Variants in PKHD1L1 observed in about 807,000 individuals in gnomAD.
PKHD1L1 encodes fibrocystin-L.
Under a neutral mutation model 462.9 loss-of-function variants are expected in PKHD1L1, and 434 were observed. The ratio of observed to expected loss-of-function variants is 0.94; its 90% confidence interval spans 0.87 to 1.02. The LOEUF (loss-of-function observed/expected upper bound fraction) is 1.02, where lower values mean the gene tolerates loss of function less well. Ranked by LOEUF, PKHD1L1 falls within the 50% of genes least tolerant of loss-of-function variation. The probability of loss-of-function intolerance (pLI) is 0.00; values close to 1 mark genes in which losing one functional copy is unlikely to be tolerated. For synonymous variants in PKHD1L1, 1,781 were observed against 1,750.0 expected, an observed-to-expected ratio of 1.02 and a Z score of -0.44; for missense variants, 5,202 against 5,096.1, an observed-to-expected ratio of 1.02 and a Z score of -0.63.
At position 109,420,578 on chromosome 8, in the gene PKHD1L1, A is replaced by G; in HGVS notation, c.2585A>G (p.Gln862Arg). The G allele has an allele frequency of 6.2e-7, 1 of 1,610,220 alleles. No individual in the cohort carries two copies. Among genetic ancestry groups the G allele is most frequent in the Non-Finnish European group, 8.5e-7 (1 of 1,178,232 alleles). ...ANKGIFLEHFQVNQTKTNGPT... is the reference protein window; with the variant it reads ...ANKGIFLEHFRVNQTKTNGPT... The stretch of plus-strand genomic sequence containing the variant: ...AAAGGAATATTCTTAGAGCACTTTC[A>G]GGTGAATCAGACCAAAACAAATGGG... The change falls in exon 23 of 78, where the codon CAG becomes CGG. Residue 862 changes from glutamine (Q) to arginine (R), a missense_variant. Gln to Arg is a conservative substitution (Grantham distance 43). This residue lies in a region of PKHD1L1 where 4,497 missense variants were observed against 4,336.8 expected (regional missense o/e 1.04). Coordinates refer to ENST00000378402, the MANE Select transcript of PKHD1L1 (RefSeq NM_177531.6).
rs1311147978 is a variant in PKHD1L1 at position 109,498,143 on chromosome 8, G to A, written c.10600-319G>A. On this transcript the variant is annotated intron_variant, in intron 65 of 77. Transcript: ENST00000378402. ...GGAGTCTCGCTCTGTCGCCCAGGCCGGACTGCGGACTGCAGTGGCGCAATC... is the reference window on the plus strand; with the variant it reads ...GGAGTCTCGCTCTGTCGCCCAGGCCAGACTGCGGACTGCAGTGGCGCAATC... 7.4e-5 allele frequency among the ~76,000 whole-genome samples: 3 copies of A among 40,282 alleles called. 1 individual carries two copies. In the East Asian group the frequency reaches 1.8e-3, roughly 25 times the overall value. 26.4% of individuals were successfully genotyped at this position (40,282 alleles called of 152,430 possible).
intron 21 of PKHD1L1, among the ~76,000 whole-genome samples, chr8:109,414,488 T>C (rs1814026081): frequency 7.0e-6 from 1 of 142,202 alleles, no homozygotes; most frequent in Admixed American, 7.1e-5. Context: ...AAAATATTCC[T>C]TTTTTTTTTG....
chr8:109,492,151 A>G (rs1331595155), intron 62 of PKHD1L1, among the ~76,000 whole-genome samples, 157 bp downstream of exon 62: 1 of 149,700 alleles, frequency 6.7e-6, no homozygotes, highest in Non-Finnish European at 1.5e-5. Flanking sequence ...GTCAATGTCT[A>G]TTGGTTTAAA....
At position 109,526,756 on chromosome 8, in the gene PKHD1L1, C is replaced by CA. The variant is rs759818127; in HGVS notation, c.12485-25dup. 2.6e-6 allele frequency: 4 copies of CA among 1,516,604 alleles called. No individual in the cohort carries two copies. The South Asian group carries it at 4.9e-5, about 19-fold the overall frequency. The allele number at this position is 1,516,604 out of a possible 1,614,324, so 93.9% of individuals were successfully genotyped here. On this transcript the variant is annotated intron_variant, in intron 76 of 77. Transcript: ENST00000378402. Reference sequence around the variant, plus strand: ...AAAACAAGTAAAACATAAAGGAAATCAAACACTATGATGCTTTTTTTTTCC... The same window carrying CA: ...AAAACAAGTAAAACATAAAGGAAATCAAAACACTATGATGCTTTTTTTTTCC...
chr8:109,461,714 T>C, intron 47 of PKHD1L1, 58 bp from the exon 48 acceptor site: 1 of 1,533,182 alleles, frequency 6.5e-7, no homozygotes, highest in Non-Finnish European at 8.8e-7. Context: ...TGAGAAAATC[T>C]TCAATATAAG....
intron 2 of PKHD1L1, among the ~76,000 whole-genome samples, chr8:109,379,758 A>G (rs546163307): frequency 1.3e-5 from 2 of 152,328 alleles, no homozygotes; most frequent in East Asian, 3.9e-4. Flanking sequence ...GGGTCGCAAT[A>G]TAGATTCCAC....
At chr8:109,471,757 A>G (rs1346241558) in intron 50 of PKHD1L1, among the ~76,000 whole-genome samples, 3 of 152,238 alleles carry the variant, frequency 2.0e-5, no homozygotes, top group Non-Finnish European at 2.9e-5. Flanking sequence ...TGCATTCTTT[A>G]TAGTGAAGTG....
At chr8:109,421,138 G>A (rs1040652219) in intron 23 of PKHD1L1, among the ~76,000 whole-genome samples, 1 of 151,436 alleles carries the variant, frequency 6.6e-6, no homozygotes, top group Non-Finnish European at 1.5e-5. Context: ...ACAATTTTTT[G>A]TACATTTGTA....
intron 4 of PKHD1L1, 98 bp downstream of exon 4, chr8:109,382,669 C>T (rs1440352773): frequency 1.2e-6 from 1 of 823,486 alleles, no homozygotes; most frequent in Non-Finnish European, 1.8e-6. Context: ...ACTATTTCCA[C>T]ATTTAAAAAT....
Position 109,523,262 on chromosome 8 carries a change from A to G in PKHD1L1, c.12360A>G (p.Ala4120=), listed in dbSNP as rs372019200. 1.3e-4 allele frequency: 204 copies of G among 1,609,382 alleles called. 1 individual carries two copies. In the East Asian group the frequency reaches 3.3e-3, roughly 26 times the overall value. Residue 4120 remains alanine, a synonymous_variant, in exon 76 of 78, where the codon GCA becomes GCG. Coordinates refer to ENST00000378402, the MANE Select transcript of PKHD1L1 (RefSeq NM_177531.6). ...ACTGTGTATCAGTTGGAATTACTGC[A>G]CTAACTTTGAGGGCCATACTCAAGG... ...DGNCVSVGIT[A]LTLRAILKDS... is the part of the protein sequence containing the mutation.
In PKHD1L1 at chr8:109,480,409, G is replaced by A. The variant is rs527830605; in HGVS notation, c.9327+270G>A. 3.6e-4 allele frequency: 150 copies of A among 422,296 alleles called. No individual in the cohort carries two copies. In the Middle Eastern group the frequency reaches 5.6e-3, roughly 16 times the overall value. The allele number at this position is 422,296 out of a possible 1,614,324, so 26.2% of individuals were successfully genotyped here. A position where few individuals can be genotyped will look rare whatever the true frequency, so the allele number is the denominator to read the frequency against. Reference sequence around the variant, plus strand: ...GTGTATAGAATATCTATGTCATTATGAGGTCAGGCTAAACCAACAGCTTGT... The same window carrying A: ...GTGTATAGAATATCTATGTCATTATAAGGTCAGGCTAAACCAACAGCTTGT... On this transcript the variant is annotated intron_variant, in intron 55 of 77. Transcript: ENST00000378402.
chr8:109,385,688 A>G, intron 6 of PKHD1L1, 58 bp downstream of exon 6: 2 of 1,132,678 alleles, frequency 1.8e-6, no homozygotes, highest in Non-Finnish European at 2.5e-6. Flanking sequence ...GTAATATTAT[A>G]AAAATAATGG....
chr8:109,494,158 A>T (rs1442612106), intron 63 of PKHD1L1, among the ~76,000 whole-genome samples: 1 of 152,000 alleles, frequency 6.6e-6, no homozygotes, highest in East Asian at 1.9e-4. Flanking sequence ...TGCATCAAAA[A>T]GTCAACAAAC....
At chr8:109,447,713 T>G (rs1800474573) in intron 38 of PKHD1L1, among the ~76,000 whole-genome samples, 1 of 152,246 alleles carries the variant, frequency 6.6e-6, no homozygotes, top group Non-Finnish European at 1.5e-5. Flanking sequence ...AAGAAAAATG[T>G]AGTCTCTCCT....
At chr8:109,524,237 A>G (rs1428121313) in intron 76 of PKHD1L1, among the ~76,000 whole-genome samples, 1 of 152,142 alleles carries the variant, frequency 6.6e-6, no homozygotes, top group African/African-American at 2.4e-5. Context: ...TGAAAAGGCT[A>G]TGTAGTGGCA....
In PKHD1L1 at chr8:109,536,214, G is replaced by T. The variant is rs1427972636; in HGVS notation, c.*6124G>T. On this transcript the variant is annotated 3_prime_UTR_variant, in exon 78 of 78. Coordinates refer to ENST00000378402, the MANE Select transcript of PKHD1L1 (RefSeq NM_177531.6). Reference sequence around the variant, plus strand: ...CTTCAAAGGTTTCACCGATTTTATTGCTGTGTTTCCAACACATTTCCACAT... The same window carrying T: ...CTTCAAAGGTTTCACCGATTTTATTTCTGTGTTTCCAACACATTTCCACAT... 6.6e-6 allele frequency among the ~76,000 whole-genome samples: 1 copy of T among 152,180 alleles called. No homozygotes were observed. The highest frequency in any genetic ancestry group is 1.5e-5 in the Non-Finnish European group (1 of 68,028).
intron 72 of PKHD1L1, 123 bp from the exon 73 acceptor site, chr8:109,518,044 A>G: frequency 1.5e-6 from 1 of 687,534 alleles, no homozygotes; most frequent in Non-Finnish European, 2.4e-6. Context: ...ATGCTTTCTT[A>G]TGAAAGAATG....
In PKHD1L1 at chr8:109,420,667, A is replaced by G. The variant is rs773850913; in HGVS notation, c.2674A>G (p.Met892Val). ...TSYNCSYNIP[M>V]MAVSFGQIIT... ...ATACAATTGCAGTTACAATATACCC[A>G]TGATGGCTGTGAGCTTTGGGCAGGT... The change falls in exon 23 of 78, where the codon ATG becomes GTG. Residue 892 changes from methionine (M) to valine (V), a missense_variant. By Grantham distance (21) the Met-to-Val change is conservative. Transcript: ENST00000378402. 5 of 1,587,512 alleles carry G rather than the reference A, an allele frequency of 3.1e-6. No individual in the cohort carries two copies. The highest frequency in any genetic ancestry group is 4.3e-6 in the Non-Finnish European group (5 of 1,169,978).
Position 109,476,674 on chromosome 8 carries a change from G to T in PKHD1L1, c.8917+7G>T, listed in dbSNP as rs1389228837. Reference sequence around the variant, plus strand: ...AGTACTCTATATTACTTGGGTATGTGTCATTAGGCAGAAATGATAGTTTAT... The same window carrying T: ...AGTACTCTATATTACTTGGGTATGTTTCATTAGGCAGAAATGATAGTTTAT... On this transcript the variant is annotated splice_region_variant and intron_variant, in intron 52 of 77. Transcript: ENST00000378402. 1.3e-6 allele frequency: 2 copies of T among 1,578,290 alleles called. No homozygotes were observed. Among genetic ancestry groups the T allele is most frequent in the South Asian group, 2.4e-5 (2 of 83,884 alleles).
Sources: allele counts gnomAD v4.1 joint callset (sites outside exome capture counted in the v4.1 genomes callset), GRCh38; gene constraint gnomAD v4.1.1; regional missense constraint gnomAD v4.1.1; transcripts MANE v1.5; gene names NCBI Gene and HGNC (gene_info 2026-07-23, HGNC 2026-07-21).